ADAM12: variants seen among roughly 807,000 people sequenced by gnomAD.
ADAM12 encodes disintegrin and metalloproteinase domain-containing protein 12.
A neutral mutation model predicts 106.4 loss-of-function variants in ADAM12; 70 were observed. The ratio of observed to expected loss-of-function variants is 0.66; its 90% CI spans 0.54 to 0.80. The LOEUF (loss-of-function observed/expected upper bound fraction) is 0.80, where lower values mean the gene tolerates loss of function less well. Ranked by LOEUF, ADAM12 falls within the 30% of genes least tolerant of loss-of-function variation. The probability of loss-of-function intolerance (pLI) is 0.00; values close to 1 mark genes in which losing one functional copy is unlikely to be tolerated. For synonymous variants in ADAM12, 420 were observed against 433.5 expected (o/e 0.97, Z 0.39); for missense variants, 1,010 against 1,171.9 (o/e 0.86, Z 2.02).
chr10:126,163,423 C>T (rs868471091), intron 3 of ADAM12, among the ~76,000 whole-genome samples: 6 of 152,234 alleles, frequency 3.9e-5, no homozygotes, highest in Admixed American at 6.5e-5. Context: ...TGGCTGAAAA[C>T]GAGTATTTAG....
rs1674893 is a variant in ADAM12, at chr10:126,088,724, C to A, written c.1145+5261G>T. Among the ~76,000 whole-genome samples the A allele has an allele frequency of 3.7e-4, 55 of 148,808 alleles. 1 individual carries two copies. The highest frequency in any genetic ancestry group is 4.7e-4 in the African/African-American group (19 of 40,182). On this transcript the variant is annotated intron_variant, in intron 11 of 22. Transcript: ENST00000448723. ...GAGACTACATCTCAAAAAACAAAAA[C>A]AAAAAGAGAGAGAGAAGGCTGACCT...
intron 18 of ADAM12, chr10:126,041,414 A>ACTT (rs1245392353): frequency 1.0e-6 from 1 of 985,452 alleles, no homozygotes; most frequent in Non-Finnish European, 1.2e-6. Context: ...CATTGTTTTC[A>ACTT]CTTTTTAACA....
intron 8 of ADAM12, among the ~76,000 whole-genome samples, chr10:126,103,627 C>A (rs777210928): frequency 1.3e-5 from 2 of 152,228 alleles, no homozygotes; most frequent in African/African-American, 4.8e-5. Flanking sequence ...CACTAGGTAA[C>A]ACTGCCATCT....
At chr10:126,124,989 C>T (rs906724285) in intron 5 of ADAM12, among the ~76,000 whole-genome samples, 7 of 151,578 alleles carry the variant, frequency 4.6e-5, no homozygotes, top group Non-Finnish European at 8.8e-5. Context: ...GAAAAGATTC[C>T]CTGAGTCAGG....
At chr10:126,253,495 T>C (rs1319840763) in intron 3 of ADAM12, among the ~76,000 whole-genome samples, 1 of 152,046 alleles carries the variant, frequency 6.6e-6, no homozygotes, top group Non-Finnish European at 1.5e-5. Flanking sequence ...AAATAGCCAC[T>C]AAGCAGCTGT....
intron 8 of ADAM12, among the ~76,000 whole-genome samples, chr10:126,107,116 CAT>C (rs1477682510): frequency 3.3e-5 from 5 of 152,172 alleles, no homozygotes; most frequent in South Asian, 2.1e-4. Flanking sequence ...CACATGAACA[CAT>C]ATAGGAACAC....
intron 1 of ADAM12, among the ~76,000 whole-genome samples, chr10:126,358,920 C>T (rs530947505): frequency 3.3e-5 from 5 of 152,264 alleles, no homozygotes; most frequent in African/African-American, 9.6e-5. Context: ...CTGATAAAGA[C>T]ACCCAAGACT....
intron 11 of ADAM12, among the ~76,000 whole-genome samples, chr10:126,078,707 A>G (rs567389809): frequency 6.6e-6 from 1 of 152,010 alleles, no homozygotes; most frequent in Admixed American, 6.6e-5. Context: ...CTTCTTTTAT[A>G]CTTTTTTTTG....
intron 1 of ADAM12, among the ~76,000 whole-genome samples, chr10:126,367,322 CAT>C (rs1190738572): frequency 1.3e-5 from 2 of 151,576 alleles, no homozygotes; most frequent in Admixed American, 6.6e-5. Flanking sequence ...AGCCACGAGT[CAT>C]AGAAAAAAAT....
Position 126,293,342 on chromosome 10 carries a change from A to C in ADAM12, c.187-14354T>G, listed in dbSNP as rs137948640. 1.1e-3 allele frequency among the ~76,000 whole-genome samples: 161 copies of C among 152,156 alleles called. 1 individual carries two copies. Among genetic ancestry groups the C allele is most frequent in the African/African-American group, 3.5e-3 (146 of 41,500 alleles). ...CAGCCCCACCTGCCCTATGGGATCC[A>C]CACATGGAGCCCAAGGGGCAAAGCT... On this transcript the variant is annotated intron_variant, in intron 2 of 22. Coordinates refer to ENST00000448723, the MANE Select transcript of ADAM12 (RefSeq NM_001288973.2).
At chr10:126,153,494 T>C (rs1434884614) in intron 4 of ADAM12, among the ~76,000 whole-genome samples, 6 of 152,226 alleles carry the variant, frequency 3.9e-5, no homozygotes, top group African/African-American at 7.2e-5. Context: ...GCTTGTTTCC[T>C]GTGTGTGTTT....
chr10:126,284,136 C>A (rs1959726726), intron 2 of ADAM12, among the ~76,000 whole-genome samples: 1 of 151,922 alleles, frequency 6.6e-6, no homozygotes, highest in Admixed American at 6.6e-5. Flanking sequence ...CCTTTGAGAC[C>A]AGCCTGGCCA....
chr10:126,163,614 G>T (rs1263586660), intron 3 of ADAM12, among the ~76,000 whole-genome samples: 1 of 152,138 alleles, frequency 6.6e-6, no homozygotes, highest in Non-Finnish European at 1.5e-5. Flanking sequence ...GTTTGAATGA[G>T]ATGGATTTCA....
chr10:126,232,566 A>G (rs1958332951), intron 3 of ADAM12, among the ~76,000 whole-genome samples: 1 of 152,182 alleles, frequency 6.6e-6, no homozygotes, highest in Admixed American at 6.5e-5. Flanking sequence ...AAAACCCCAC[A>G]TGGAGCCAAG....
chr10:126,041,169 A>G (rs1247046874), intron 18 of ADAM12, among the ~76,000 whole-genome samples: 1 of 151,878 alleles, frequency 6.6e-6, no homozygotes, highest in East Asian at 1.9e-4. Context: ...CACTTATGCC[A>G]TGTCATTCTT....
chr10:126,030,596 A>G (rs1953955530), intron 21 of ADAM12, among the ~76,000 whole-genome samples: 1 of 152,248 alleles, frequency 6.6e-6, no homozygotes, highest in Non-Finnish European at 1.5e-5. Flanking sequence ...GTGGGAAACA[A>G]ATACCCCTTT....
intron 3 of ADAM12, among the ~76,000 whole-genome samples, chr10:126,262,759 T>C (rs1959026313): frequency 6.6e-6 from 1 of 152,164 alleles, no homozygotes. Context: ...GAAGTCAAGG[T>C]TGCCATTATA....
intron 1 of ADAM12, among the ~76,000 whole-genome samples, chr10:126,369,005 T>C (rs1856015086): frequency 6.6e-6 from 1 of 152,182 alleles, no homozygotes. Flanking sequence ...AATATGAAAA[T>C]TAGCATCCAT....
intron 2 of ADAM12, among the ~76,000 whole-genome samples, chr10:126,280,580 C>T (rs2133757601): frequency 6.6e-6 from 1 of 152,296 alleles, no homozygotes; most frequent in Middle Eastern, 3.4e-3. Context: ...CTAAAACTTA[C>T]ATCATCCAAT....
Sources: gnomAD v4.1 joint callset for allele counts (sites outside exome capture counted in the v4.1 genomes callset) on GRCh38, gnomAD v4.1.1 for gene constraint, MANE v1.5 for transcripts, NCBI Gene and HGNC (gene_info 2026-07-23, HGNC 2026-07-21) for gene names.